The following ADCY8 variants were observed in gnomAD, a reference collection of about 807,000 sequenced individuals.
ADCY8 encodes adenylate cyclase type 8.
A neutral mutation model predicts 119.7 loss-of-function variants in ADCY8; 51 were observed. The ratio of observed to expected loss-of-function variants is 0.43; its 90% CI spans 0.34 to 0.54. ADCY8 has a LOEUF of 0.54. Ranked by LOEUF, ADCY8 falls within the 20% of genes least tolerant of loss-of-function variation. ADCY8 has a pLI of 0.03. For missense variants in ADCY8, 1,383 were observed against 1,598.8 expected (o/e 0.87, Z 2.30); for synonymous variants, 665 against 651.0 (o/e 1.02, Z -0.33).
rs1195143437 is a variant in ADCY8 at position 130,840,079 on chromosome 8, C to T, written c.2503-3630G>A. 1.4e-5 allele frequency among the ~76,000 whole-genome samples: 2 copies of T among 139,490 alleles called. 1 individual carries two copies. Among genetic ancestry groups the T allele is most frequent in the Non-Finnish European group, 3.2e-5 (2 of 61,786 alleles). The allele number at this position is 139,490 out of a possible 152,430, so 91.5% of individuals were successfully genotyped here. On this transcript the variant is annotated intron_variant, in intron 11 of 17. Transcript: ENST00000286355. ...AGAAAGAGAGAGGAGTCAGAGGTAG[C>T]ACTAATATTTCCACTTTGTATTAAT...
chr8:131,026,955 A>C (rs966036629), intron 1 of ADCY8, among the ~76,000 whole-genome samples: 1 of 152,140 alleles, frequency 6.6e-6, no homozygotes, highest in Admixed American at 6.5e-5. Flanking sequence ...GGCTCTTGTC[A>C]GTGTTATAAA....
chr8:130,924,409 C>A (rs6995900), intron 5 of ADCY8, among the ~76,000 whole-genome samples: 1 of 152,030 alleles, frequency 6.6e-6, no homozygotes, highest in South Asian at 2.1e-4. Context: ...AGGGGACTGA[C>A]GCCCTTTGCT....
intron 11 of ADCY8, among the ~76,000 whole-genome samples, chr8:130,846,783 T>TCCTC (rs1442365363): frequency 1.2e-5 from 1 of 81,422 alleles, no homozygotes. Flanking sequence ...TCCTTCTCCT[T>TCCTC]CCTTCCTTCT....
At chr8:131,001,863 A>G (rs1822958138) in intron 1 of ADCY8, among the ~76,000 whole-genome samples, 2 of 152,170 alleles carry the variant, frequency 1.3e-5, no homozygotes, top group South Asian at 2.1e-4. Context: ...GTGCTTTACA[A>G]AGAACATTTA....
intron 11 of ADCY8, among the ~76,000 whole-genome samples, chr8:130,846,894 T>TCCTGCCTGCCTG (rs1563689872): frequency 2.0e-5 from 1 of 50,694 alleles, no homozygotes; most frequent in African/African-American, 6.8e-5. Context: ...TCCCTTTCCT[T>TCCTGCCTGCCTG]CCTTCCTTCC....
intron 1 of ADCY8, among the ~76,000 whole-genome samples, chr8:131,023,812 C>G (rs565774492): frequency 6.6e-6 from 1 of 152,176 alleles, no homozygotes; most frequent in African/African-American, 2.4e-5. Context: ...TTTTTTATAT[C>G]CAAATTACCT....
intron 2 of ADCY8, among the ~76,000 whole-genome samples, chr8:130,974,478 C>CATA (rs1477113717): frequency 6.6e-6 from 1 of 152,140 alleles, no homozygotes; most frequent in African/African-American, 2.4e-5. Flanking sequence ...TTTAGTGGAT[C>CATA]ATACCCAGCA....
chr8:130,920,069 G>T (rs1820253599), intron 5 of ADCY8, among the ~76,000 whole-genome samples: 2 of 149,018 alleles, frequency 1.3e-5, no homozygotes, highest in Non-Finnish European at 3.0e-5. Context: ...CCTGAGCCCA[G>T]GATTTCCAGG....
chr8:130,884,052 C>T (rs56082245), intron 8 of ADCY8, among the ~76,000 whole-genome samples: 8,515 of 89,274 alleles, frequency 0.095, 803 homozygotes, highest in African/African-American at 0.27. Context: ...ATCCACAACC[C>T]ATTTCTTTCT....
At chr8:130,973,173 A>G (rs1298098681) in intron 2 of ADCY8, among the ~76,000 whole-genome samples, 2 of 152,218 alleles carry the variant, frequency 1.3e-5, no homozygotes, top group Non-Finnish European at 2.9e-5. Flanking sequence ...GTCCAGTTGT[A>G]TCCTGTAGAG....
intron 1 of ADCY8, among the ~76,000 whole-genome samples, chr8:131,032,866 C>T (rs912020700): frequency 2.6e-5 from 4 of 152,162 alleles, no homozygotes; most frequent in African/African-American, 4.8e-5. Context: ...CAGCATTCCT[C>T]GACTAAGTCC....
chr8:130,886,314 A>G (rs987509639), intron 7 of ADCY8, among the ~76,000 whole-genome samples: 1 of 152,058 alleles, frequency 6.6e-6, no homozygotes. Flanking sequence ...TGAGTACCAA[A>G]GAGACTACTA....
intron 2 of ADCY8, among the ~76,000 whole-genome samples, chr8:130,977,980 T>C (rs1205376229): frequency 6.6e-6 from 1 of 152,238 alleles, no homozygotes; most frequent in Non-Finnish European, 1.5e-5. Flanking sequence ...CAAACTGTTC[T>C]TCAGCAAACG....
chr8:130,968,841 C>A (rs760647355), intron 2 of ADCY8, among the ~76,000 whole-genome samples: 1 of 152,194 alleles, frequency 6.6e-6, no homozygotes, highest in Non-Finnish European at 1.5e-5. Context: ...ATAAAGAACA[C>A]ATTTGCAAGC....
intron 14 of ADCY8, among the ~76,000 whole-genome samples, chr8:130,813,824 C>A (rs932501590): frequency 3.9e-5 from 6 of 152,134 alleles, no homozygotes; most frequent in Non-Finnish European, 7.3e-5. Flanking sequence ...CACACACATG[C>A]ATATGCACAT....
chr8:130,812,290 C>G (rs888353000), intron 14 of ADCY8, among the ~76,000 whole-genome samples: 3 of 152,148 alleles, frequency 2.0e-5, no homozygotes, highest in Non-Finnish European at 4.4e-5. Flanking sequence ...TAGGCTCTGT[C>G]TAGGGTTTCC....
At chr8:131,006,308 T>G (rs1489335983) in intron 1 of ADCY8, among the ~76,000 whole-genome samples, 1 of 152,186 alleles carries the variant, frequency 6.6e-6, no homozygotes, top group Admixed American at 6.5e-5. Flanking sequence ...AGTAAATCTT[T>G]GTTGACAGGA....
chr8:130,900,410 A>C (rs1195455244), intron 7 of ADCY8, among the ~76,000 whole-genome samples: 1 of 152,178 alleles, frequency 6.6e-6, no homozygotes, highest in Admixed American at 6.5e-5. Context: ...GTGGAACTGG[A>C]GTTCTTGGAA....
At chr8:131,025,178 C>T (rs1036949809) in intron 1 of ADCY8, among the ~76,000 whole-genome samples, 1 of 152,150 alleles carries the variant, frequency 6.6e-6, no homozygotes, top group Non-Finnish European at 1.5e-5. Flanking sequence ...GTGCTTATCC[C>T]CTTGGCTCTA....
Sources: allele counts gnomAD v4.1 joint callset (sites outside exome capture counted in the v4.1 genomes callset), GRCh38; gene constraint gnomAD v4.1.1; transcripts MANE v1.5; gene names NCBI Gene and HGNC (gene_info 2026-07-23, HGNC 2026-07-21).